The following HHAT variants were observed in gnomAD, a reference collection of about 807,000 sequenced individuals.
HHAT encodes the protein protein-cysteine N-palmitoyltransferase HHAT.
HHAT carries 47 observed loss-of-function variants against 70.8 expected under a neutral mutation model. The ratio of observed to expected loss-of-function variants is 0.66; its 90% CI spans 0.53 to 0.85. The LOEUF (loss-of-function observed/expected upper bound fraction) is 0.85. Among genes scored for constraint, HHAT ranks in the 40% least tolerant of loss-of-function variants. HHAT has a pLI of 0.00. For missense variants in HHAT, 609 were observed against 604.8 expected (o/e 1.01, Z -0.07); for synonymous variants, 228 against 247.6 (o/e 0.92, Z 0.74).
intron 10 of HHAT, among the ~76,000 whole-genome samples, chr1:210,597,105 T>C (rs1033783380): frequency 3.3e-5 from 5 of 152,246 alleles, no homozygotes; most frequent in Non-Finnish European, 5.9e-5. Context: ...ATCTTGGTTA[T>C]CTTAGAGAAG....
chr1:210,419,994 G>T (rs1163405176), intron 7 of HHAT, among the ~76,000 whole-genome samples: 3 of 152,150 alleles, frequency 2.0e-5, no homozygotes, highest in Non-Finnish European at 4.4e-5. Context: ...GGCACTAGGG[G>T]TAGTAAATTA....
chr1:210,564,991 A>G (rs56769280), intron 9 of HHAT, among the ~76,000 whole-genome samples: 9,005 of 152,206 alleles, frequency 0.059, 851 homozygotes, highest in African/African-American at 0.2. Flanking sequence ...CATTTATGAA[A>G]TGGGAAAGAC....
chr1:210,592,949 A>G (rs981607221), intron 10 of HHAT, among the ~76,000 whole-genome samples: 5 of 150,510 alleles, frequency 3.3e-5, no homozygotes, highest in Non-Finnish European at 5.9e-5. Context: ...TTACATATGT[A>G]TACATGTGCC....
At chr1:210,480,433 C>G (rs997208039) in intron 8 of HHAT, among the ~76,000 whole-genome samples, 12 of 152,152 alleles carry the variant, frequency 7.9e-5, no homozygotes, top group African/African-American at 2.9e-4. Flanking sequence ...TAATGGAACA[C>G]TAGCCATAAA....
intron 10 of HHAT, among the ~76,000 whole-genome samples, chr1:210,591,641 G>T (rs1198809063): frequency 1.3e-5 from 2 of 151,988 alleles, no homozygotes; most frequent in Non-Finnish European, 2.9e-5. Context: ...CCATACCGTG[G>T]TCTTGTACTA....
chr1:210,495,914 A>G lies in HHAT; in HGVS notation c.1008-17239A>G, dbSNP rs572052965. On this transcript the variant is annotated intron_variant, in intron 8 of 11. Transcript: ENST00000261458. Reference sequence around the variant, plus strand: ...TCCCAGCTACTTGGGAGTCTGAGGCAGGAGGAGAATCACTTGAACCTAGGA... The same window carrying G: ...TCCCAGCTACTTGGGAGTCTGAGGCGGGAGGAGAATCACTTGAACCTAGGA... Among the ~76,000 whole-genome samples, 551 of 149,682 alleles carry G rather than the reference A, an allele frequency of 3.7e-3. 3 individuals carry two copies. Among genetic ancestry groups the G allele is most frequent in the Non-Finnish European group, 4.4e-3 (300 of 67,486 alleles).
chr1:210,616,682 A>G (rs1667815027), intron 10 of HHAT, among the ~76,000 whole-genome samples: 4 of 152,002 alleles, frequency 2.6e-5, no homozygotes, highest in African/African-American at 9.7e-5. Context: ...ACTGCCACAC[A>G]AATATGAAGT....
At chr1:210,656,750 C>T (rs770070202) in intron 11 of HHAT, among the ~76,000 whole-genome samples, 1 of 152,202 alleles carries the variant, frequency 6.6e-6, no homozygotes, top group Non-Finnish European at 1.5e-5. Flanking sequence ...CCCCAGGCAG[C>T]TCTCATGCTT....
intron 8 of HHAT, among the ~76,000 whole-genome samples, chr1:210,512,637 C>T (rs1453901623): frequency 7.1e-6 from 1 of 140,562 alleles, no homozygotes; most frequent in Non-Finnish European, 1.5e-5. Flanking sequence ...CACCGCTGCA[C>T]TTCAGCCTGG....
At position 210,386,230 on chromosome 1, in the gene HHAT, C is replaced by CTTTCTTTTTTTTTTTT. The variant is rs1324452281; in HGVS notation, c.160-1235_160-1234insCTTTTTTTTTTTTTTT. 5.0e-3 allele frequency among the ~76,000 whole-genome samples: 347 copies of CTTTCTTTTTTTTTTTT among 69,906 alleles called. 45 individuals are homozygous for CTTTCTTTTTTTTTTTT. Among genetic ancestry groups the CTTTCTTTTTTTTTTTT allele is most frequent in the South Asian group, 0.01 (16 of 1,578 alleles). The allele number at this position is 69,906 out of a possible 152,430, so 45.9% of individuals were successfully genotyped here. On this transcript the variant is annotated intron_variant, in intron 3 of 11. Coordinates refer to ENST00000261458, the MANE Select transcript of HHAT (RefSeq NM_018194.6). ...ATTGCAGGAGTCCTTTTCTTTTTTT[C>CTTTCTTTTTTTTTTTT]TTTTTTTTTTTTTTTTTTTTTTTTT...
rs184055959 is a variant in HHAT, at chr1:210,468,359, C to A, written c.1007+3704C>A. Among the ~76,000 whole-genome samples the A allele has an allele frequency of 4.5e-4, 68 of 152,240 alleles. 1 individual carries two copies. Among genetic ancestry groups the A allele is most frequent in the Admixed American group, 3.9e-3 (59 of 15,300 alleles). On this transcript the variant is annotated intron_variant, in intron 8 of 11. Transcript: ENST00000261458. ...ATGGAAGCAAAGCGATAGAATTTCC[C>A]ATGGTGGCTGGTGAGTTGTGGGTCA...
chr1:210,657,198 G>A (rs910138757), intron 11 of HHAT, among the ~76,000 whole-genome samples: 7 of 152,200 alleles, frequency 4.6e-5, no homozygotes, highest in Non-Finnish European at 7.3e-5. Flanking sequence ...CTGCACCACA[G>A]GCACAGCCTG....
At chr1:210,623,417 G>T in intron 10 of HHAT, 109 bp from the exon 11 acceptor site, 5 of 1,196,442 alleles carry the variant, frequency 4.2e-6, no homozygotes, top group Non-Finnish European at 4.8e-6. Flanking sequence ...ACCTGGTTTG[G>T]GCTCTGTGGG....
chr1:210,336,287 A>ATTTTTTTTTTTTTTTTTTTTT lies in HHAT; in HGVS notation c.-44+7186_-44+7206dup, dbSNP rs541795412. Among the ~76,000 whole-genome samples, 124 of 84,596 alleles carry ATTTTTTTTTTTTTTTTTTTTT rather than the reference A, an allele frequency of 1.5e-3. 14 individuals carry two copies. The highest frequency in any genetic ancestry group is 3.5e-3 in the South Asian group (8 of 2,274). 55.5% of individuals were successfully genotyped at this position (84,596 alleles called of 152,430 possible). A position where few individuals can be genotyped will look rare whatever the true frequency, so the allele number is the denominator to read the frequency against. ...AGGCATGCACCACTGTGCCTGGCTA[A>ATTTTTTTTTTTTTTTTTTTTT]TTTTTTTTTTTTTTTTTTTTTTTAG... On this transcript the variant is annotated intron_variant, in intron 1 of 11. Transcript: ENST00000261458.
intron 8 of HHAT, among the ~76,000 whole-genome samples, chr1:210,487,292 C>A (rs191736742): frequency 1.2e-3 from 180 of 148,226 alleles, no homozygotes; most frequent in Non-Finnish European, 2.1e-3. Flanking sequence ...CAGAATAAGT[C>A]AATACTCAAA....
At chr1:210,502,941 G>A (rs1006436069) in intron 8 of HHAT, among the ~76,000 whole-genome samples, 1 of 150,744 alleles carries the variant, frequency 6.6e-6, no homozygotes, top group Non-Finnish European at 1.5e-5. Flanking sequence ...CTTATACTGT[G>A]TACTCAATAT....
chr1:210,454,620 T>G (rs920797445), intron 7 of HHAT, among the ~76,000 whole-genome samples: 2 of 152,184 alleles, frequency 1.3e-5, no homozygotes, highest in Admixed American at 1.3e-4. Context: ...GTGTGGAGTA[T>G]TACTTTGCTT....
chr1:210,552,125 T>C (rs2095532646), intron 9 of HHAT, among the ~76,000 whole-genome samples: 1 of 152,202 alleles, frequency 6.6e-6, no homozygotes, highest in Admixed American at 6.5e-5. Flanking sequence ...GTGACAGCTC[T>C]AACATTTTGT....
At chr1:210,523,866 G>A (rs1485445254) in intron 9 of HHAT, among the ~76,000 whole-genome samples, 1 of 152,212 alleles carries the variant, frequency 6.6e-6, no homozygotes. Context: ...GATCAAAGCA[G>A]TAACAAGATA....
Sources: allele counts gnomAD v4.1 joint callset (sites outside exome capture counted in the v4.1 genomes callset), GRCh38; gene constraint gnomAD v4.1.1; transcripts MANE v1.5; gene names NCBI Gene and HGNC (gene_info 2026-07-23, HGNC 2026-07-21).